COL26A1: variants seen among roughly 807,000 people sequenced by gnomAD.
COL26A1 encodes collagen alpha-1(XXVI) chain.
Under a neutral mutation model 59.3 loss-of-function variants are expected in COL26A1, and 41 were observed. That is an observed-to-expected ratio of 0.69 (90% CI 0.54 to 0.90). The LOEUF is 0.90. Among genes scored for constraint, COL26A1 ranks in the 40% least tolerant of loss-of-function variants. COL26A1 has a pLI of 0.00. For missense variants in COL26A1, 612 were observed against 602.3 expected (o/e 1.02, Z -0.17); for synonymous variants, 266 against 256.0 (o/e 1.04, Z -0.37).
intron 3 of COL26A1, among the ~76,000 whole-genome samples, chr7:101,448,749 C>T (rs144138367): frequency 6.6e-6 from 1 of 152,270 alleles, no homozygotes; most frequent in East Asian, 1.9e-4. Flanking sequence ...ACCTTAGCCT[C>T]CCAAAGTGCT....
chr7:101,524,759 T>C (rs1795206637), intron 3 of COL26A1, among the ~76,000 whole-genome samples: 1 of 152,216 alleles, frequency 6.6e-6, no homozygotes, highest in African/African-American at 2.4e-5. Context: ...GATTGATTTT[T>C]GTAAACTGTC....
chr7:101,404,208 G>T (rs1792075976), intron 1 of COL26A1, among the ~76,000 whole-genome samples: 1 of 152,110 alleles, frequency 6.6e-6, no homozygotes, highest in African/African-American at 2.4e-5. Context: ...CAGGAGGCAG[G>T]GTCTTTGACT....
At chr7:101,441,317 TTA>T (rs1197606646) in intron 2 of COL26A1, among the ~76,000 whole-genome samples, 2 of 152,106 alleles carry the variant, frequency 1.3e-5, no homozygotes, top group East Asian at 3.9e-4. Context: ...ACTATTATAT[TTA>T]TATATTTTTT....
chr7:101,397,926 C>G (rs1005703080), intron 1 of COL26A1, among the ~76,000 whole-genome samples: 1 of 152,192 alleles, frequency 6.6e-6, no homozygotes, highest in Non-Finnish European at 1.5e-5. Flanking sequence ...AGAGGGAGAA[C>G]ATTTCCAGCA....
At chr7:101,536,018 G>C (rs1453968835) in intron 4 of COL26A1, among the ~76,000 whole-genome samples, 1 of 152,176 alleles carries the variant, frequency 6.6e-6, no homozygotes, top group East Asian at 1.9e-4. Flanking sequence ...TATGTTGAGA[G>C]GGCCTCTAGG....
At chr7:101,515,287 A>AAT (rs1795005737) in intron 3 of COL26A1, among the ~76,000 whole-genome samples, 1 of 149,822 alleles carries the variant, frequency 6.7e-6, no homozygotes, top group African/African-American at 2.5e-5. Flanking sequence ...ATAAATATTT[A>AAT]TTTTTTTTTT....
At chr7:101,457,880 G>A (rs984122522) in intron 3 of COL26A1, among the ~76,000 whole-genome samples, 2 of 148,596 alleles carry the variant, frequency 1.3e-5, no homozygotes, top group Admixed American at 1.4e-4. Context: ...TTGCTAGGTT[G>A]TGGTATAGCT....
intron 11 of COL26A1, among the ~76,000 whole-genome samples, 165 bp downstream of exon 11, chr7:101,553,541 T>TA (rs1562803680): frequency 6.6e-6 from 1 of 151,760 alleles, no homozygotes; most frequent in African/African-American, 2.4e-5. Flanking sequence ...CACAGCCCCA[T>TA]GGGAACTCAG....
intron 2 of COL26A1, among the ~76,000 whole-genome samples, chr7:101,445,246 C>T (rs557598674): frequency 2.6e-5 from 4 of 152,284 alleles, no homozygotes; most frequent in African/African-American, 9.6e-5. Flanking sequence ...GGAAATCCAT[C>T]ACCCACATAA....
At chr7:101,453,199 T>C (rs1793386290) in intron 3 of COL26A1, among the ~76,000 whole-genome samples, 1 of 152,172 alleles carries the variant, frequency 6.6e-6, no homozygotes, top group Non-Finnish European at 1.5e-5. Context: ...AAACCCCGTC[T>C]CTACTAAAAA....
intron 3 of COL26A1, among the ~76,000 whole-genome samples, chr7:101,475,070 C>T (rs1185520675): frequency 6.6e-6 from 1 of 152,134 alleles, no homozygotes; most frequent in Admixed American, 6.6e-5. Context: ...GTGGTGGGTG[C>T]CTGTATTCCC....
intron 2 of COL26A1, among the ~76,000 whole-genome samples, chr7:101,447,362 TG>T (rs1295765895): frequency 6.6e-6 from 1 of 152,252 alleles, no homozygotes; most frequent in African/African-American, 2.4e-5. Context: ...TTATCAATTT[TG>T]TTTCAGAGTC....
rs867694832 is a variant in COL26A1 at position 101,482,455 on chromosome 7, T to G, written c.385+34668T>G. Among the ~76,000 whole-genome samples, 15 of 152,190 alleles carry G rather than the reference T, an allele frequency of 9.9e-5. 1 individual carries two copies. Among genetic ancestry groups the G allele is most frequent in the South Asian group, 6.2e-4 (3 of 4,826 alleles). On this transcript the variant is annotated intron_variant, in intron 3 of 12. Transcript: ENST00000313669. ...AGGAAGTGGCAGAAAGGCAATAAAA[T>G]GAGAAGTGAGTGCTCTTATATTGTG...
At chr7:101,483,800 G>A (rs372738168) in intron 3 of COL26A1, among the ~76,000 whole-genome samples, 7 of 151,578 alleles carry the variant, frequency 4.6e-5, no homozygotes, top group South Asian at 2.1e-4. Context: ...TCAGCCTCCC[G>A]AGTAGCTGGG....
chr7:101,547,803 TC>T (rs1224500094), intron 8 of COL26A1, among the ~76,000 whole-genome samples: 4 of 140,394 alleles, frequency 2.8e-5, no homozygotes, highest in African/African-American at 1.3e-4. Context: ...ATTTGTCCAT[TC>T]ATTCATTCGT....
At chr7:101,543,048 C>T (rs914234060) in intron 5 of COL26A1, among the ~76,000 whole-genome samples, 2 of 152,300 alleles carry the variant, frequency 1.3e-5, no homozygotes, top group East Asian at 1.9e-4. Context: ...GATTCCAGAG[C>T]GCAGGTGGGG....
chr7:101,521,933 A>G (rs185170407), intron 3 of COL26A1, among the ~76,000 whole-genome samples: 1 of 152,092 alleles, frequency 6.6e-6, no homozygotes, highest in East Asian at 1.9e-4. Flanking sequence ...ACTCGTCCAC[A>G]CTGTTGCATG....
intron 3 of COL26A1, among the ~76,000 whole-genome samples, chr7:101,481,389 C>T (rs764508422): frequency 6.7e-6 from 1 of 149,724 alleles, no homozygotes; most frequent in South Asian, 2.1e-4. Context: ...TTCTTGGGAA[C>T]TCAGCTATGC....
intron 8 of COL26A1, 143 bp from the exon 9 acceptor site, chr7:101,549,028 G>T (rs562334652): frequency 2.7e-5 from 13 of 489,310 alleles, no homozygotes; most frequent in African/African-American, 2.6e-4. Flanking sequence ...TTGAGAGGGG[G>T]TGTGCCTCCC....
Sources: allele counts gnomAD v4.1 joint callset (sites outside exome capture counted in the v4.1 genomes callset), GRCh38; gene constraint gnomAD v4.1.1; transcripts MANE v1.5; gene names NCBI Gene and HGNC (gene_info 2026-07-23, HGNC 2026-07-21).